The following NF1 variants were observed in gnomAD, a reference collection of about 807,000 sequenced individuals.
NF1 encodes the protein neurofibromin 1.
Under a neutral mutation model 325.7 loss-of-function variants are expected in NF1, and 122 were observed. The ratio of observed to expected loss-of-function variants is 0.37; its 90% CI spans 0.32 to 0.44. NF1 has a LOEUF of 0.44. Ranked by LOEUF, NF1 falls within the 20% of genes least tolerant of loss-of-function variation. The pLI is 1.00. For synonymous variants in NF1, 1,091 were observed against 1,186.0 expected (o/e 0.92, Z 1.65); for missense variants, 2,140 against 3,415.4 (o/e 0.63, Z 9.31).
At chr17:31,137,091 A>G (rs1002142228) in intron 1 of NF1, 2 of 151,842 alleles carry the variant, frequency 1.3e-5, no homozygotes, top group African/African-American at 2.4e-5. Context: ...TATAGGTGAC[A>G]TTTTCTCTCC....
Position 31,229,025 on chromosome 17 carries a change from G to C in NF1, c.2410G>C (p.Ala804Pro), listed in dbSNP as rs761109477. 2 of 1,597,190 alleles carry C rather than the reference G, an allele frequency of 1.3e-6. No individual in the cohort carries two copies. Among genetic ancestry groups the C allele is most frequent in the Non-Finnish European group, 1.7e-6 (2 of 1,168,254 alleles). Residue 804 changes from alanine (A) to proline (P), a missense_variant and splice_region_variant, in exon 21 of 58, where the codon GCT becomes CCT. Physicochemically the swap from Ala to Pro is conservative, Grantham distance 27. Transcript: ENST00000358273. Reference protein sequence around the residue: ...YPKAKMEDGQAAESLHKTIVK... With the variant: ...YPKAKMEDGQPAESLHKTIVK... The stretch of plus-strand genomic sequence containing the variant: ...CTTTGCACAAAAATTTTGTGTTTAG[G>C]CTGCTGAAAGCCTTCACAAGACCAT...
rs1326174787 is a variant in NF1 at position 31,376,161 on chromosome 17, G to A, written c.*2006G>A. ...CTCTCCCACAACCCAGTGTTTCTGG[G>A]GTAAGTTTCACAGTTTCTAGGCCCT... On this transcript the variant is annotated 3_prime_UTR_variant, in exon 58 of 58. Transcript: ENST00000358273. The A allele has an allele frequency of 1.3e-5, 3 of 232,824 alleles. No individual in the cohort carries two copies. The highest frequency in any genetic ancestry group is 1.7e-5 in the Non-Finnish European group (2 of 117,876). 14.4% of individuals were successfully genotyped at this position (232,824 alleles called of 1,614,324 possible).
At chr17:31,274,511 C>A (rs1289612428) in intron 36 of NF1, among the ~76,000 whole-genome samples, 1 of 152,060 alleles carries the variant, frequency 6.6e-6, no homozygotes, top group Non-Finnish European at 1.5e-5. Context: ...ATGAATAGAA[C>A]CATGCTTGGT....
intron 36 of NF1, among the ~76,000 whole-genome samples, chr17:31,293,952 G>A (rs1177363855): frequency 6.6e-6 from 1 of 152,156 alleles, no homozygotes; most frequent in Non-Finnish European, 1.5e-5. Context: ...GATTTGGAGT[G>A]TCAAGATCTC....
chr17:31,247,193 C>CA (rs10564306), intron 29 of NF1, among the ~76,000 whole-genome samples: 1,498 of 94,140 alleles, frequency 0.016, 20 homozygotes, highest in Middle Eastern at 0.029. Flanking sequence ...GACTCCATCT[C>CA]AAAAAAAAAA....
intron 1 of NF1, among the ~76,000 whole-genome samples, chr17:31,141,507 C>G (rs1318198095): frequency 2.6e-5 from 4 of 152,086 alleles, no homozygotes; most frequent in Admixed American, 2.6e-4. Flanking sequence ...CTTTCTGTAG[C>G]CAGCAGGGAT....
intron 8 of NF1, among the ~76,000 whole-genome samples, chr17:31,191,736 G>A (rs756481228): frequency 2.0e-5 from 3 of 152,058 alleles, no homozygotes; most frequent in Admixed American, 6.5e-5. Context: ...TTTAATAAGT[G>A]ATATAAAAGA....
chr17:31,145,558 C>T (rs1916526831), intron 1 of NF1, among the ~76,000 whole-genome samples: 1 of 152,054 alleles, frequency 6.6e-6, no homozygotes, highest in Non-Finnish European at 1.5e-5. Flanking sequence ...GAGAGCTTCC[C>T]CTGAACACCT....
chr17:31,327,172 G>T (rs2069366248), intron 37 of NF1, among the ~76,000 whole-genome samples: 2 of 152,124 alleles, frequency 1.3e-5, no homozygotes, highest in Non-Finnish European at 2.9e-5. Flanking sequence ...TTGTTGGCCA[G>T]GCTGATCACG....
At chr17:31,188,865 A>T (rs1014824022) in intron 8 of NF1, among the ~76,000 whole-genome samples, 1 of 152,146 alleles carries the variant, frequency 6.6e-6, no homozygotes, top group African/African-American at 2.4e-5. Flanking sequence ...CAAGTTCTTC[A>T]GTTTTGGAAC....
intron 17 of NF1, 138 bp downstream of exon 17, chr17:31,225,388 G>T: frequency 1.0e-6 from 1 of 963,332 alleles, no homozygotes. Flanking sequence ...ACTGCTCTTT[G>T]TGGAACTTTG....
rs1469102731 is a variant in NF1 at position 31,371,923 on chromosome 17, T to C, written c.8378-2090T>C. Among the ~76,000 whole-genome samples, 4 of 152,300 alleles carry C rather than the reference T, an allele frequency of 2.6e-5. No individual in the cohort carries two copies. In the East Asian group the frequency reaches 7.7e-4, roughly 29 times the overall value. ...CGTGCTTACAGATGCCTGATACTCT[T>C]GAGTCGAATTCAGAGCTGAATCCAA... On this transcript the variant is annotated intron_variant, in intron 57 of 57. Coordinates refer to ENST00000358273, the MANE Select transcript of NF1 (RefSeq NM_001042492.3).
intron 57 of NF1, chr17:31,360,981 C>T (rs2070383281): frequency 2.3e-6 from 1 of 440,608 alleles, no homozygotes; most frequent in South Asian, 2.2e-5. Flanking sequence ...GAACTTAAAA[C>T]ACATTATTCT....
At chr17:31,243,215 G>C (rs2067334194) in intron 29 of NF1, among the ~76,000 whole-genome samples, 2 of 61,036 alleles carry the variant, frequency 3.3e-5, no homozygotes, top group Admixed American at 3.4e-4. Flanking sequence ...TGTGTGTGTT[G>C]AGCTGCCTGG....
At chr17:31,248,232 A>C (rs1188891703) in intron 29 of NF1, among the ~76,000 whole-genome samples, 2 of 150,728 alleles carry the variant, frequency 1.3e-5, no homozygotes, top group African/African-American at 2.5e-5. Context: ...AAAAAAAAAA[A>C]CACCTGCATC....
At chr17:31,364,059 G>A (rs1337023531) in intron 57 of NF1, among the ~76,000 whole-genome samples, 3 of 152,110 alleles carry the variant, frequency 2.0e-5, no homozygotes, top group African/African-American at 7.2e-5. Flanking sequence ...TCTTTATGGC[G>A]TTGAGTTTGC....
chr17:31,279,504 A>G lies in NF1; in HGVS notation c.4835+14165A>G, dbSNP rs370290757. On this transcript the variant is annotated intron_variant, in intron 36 of 57. Transcript: ENST00000358273. The stretch of plus-strand genomic sequence containing the variant: ...TTGTTTTTCAAGAAACTATTTTGTA[A>G]TCCTAGCTACTTGGGAGCCTGAGGT... Among the ~76,000 whole-genome samples the G allele has an allele frequency of 4.6e-3, 698 of 152,084 alleles. 2 individuals are homozygous for G. Among genetic ancestry groups the G allele is most frequent in the South Asian group, 0.015 (72 of 4,814 alleles).
intron 36 of NF1, among the ~76,000 whole-genome samples, chr17:31,284,306 A>G (rs1306987344): frequency 2.0e-5 from 3 of 151,458 alleles, no homozygotes; most frequent in African/African-American, 2.4e-5. Context: ...TTTTTGAGAT[A>G]AAGTCTCACT....
chr17:31,152,719 C>T (rs762880823), intron 1 of NF1, among the ~76,000 whole-genome samples: 5 of 151,230 alleles, frequency 3.3e-5, no homozygotes, highest in Admixed American at 6.6e-5. Context: ...CATCTTTTGT[C>T]ATTTTCTTAA....
Sources: gnomAD v4.1 joint callset for allele counts (sites outside exome capture counted in the v4.1 genomes callset) on GRCh38, gnomAD v4.1.1 for gene constraint, MANE v1.5 for transcripts, NCBI Gene and HGNC (gene_info 2026-07-23, HGNC 2026-07-21) for gene names.